The following TUSC3 variants were observed in gnomAD, a reference collection of about 807,000 sequenced individuals.
TUSC3 encodes dolichyl-diphosphooligosaccharide--protein glycosyltransferase subunit TUSC3.
Under a neutral mutation model 44.8 loss-of-function variants are expected in TUSC3, and 45 were observed. That is an observed-to-expected ratio of 1.00 (90% confidence interval 0.79 to 1.29). The LOEUF is 1.29. Ranked by LOEUF, TUSC3 falls within the 50% of genes most tolerant of loss-of-function variation. The pLI, the probability that TUSC3 is intolerant of heterozygous loss-of-function variation, is 0.00. For synonymous variants in TUSC3, 212 were observed against 152.9 expected (o/e 1.39, Z -2.85); for missense variants, 519 against 437.9 (o/e 1.19, Z -1.65).
chr8:15,700,111 G>T (rs1465756658), intron 6 of TUSC3, among the ~76,000 whole-genome samples: 4 of 152,150 alleles, frequency 2.6e-5, no homozygotes, highest in Non-Finnish European at 5.9e-5. Context: ...GAAGGCATCA[G>T]CTTAGGGTAT....
At position 15,752,146 on chromosome 8, in the gene TUSC3, G is replaced by A. The variant is rs911410250; in HGVS notation, c.1028+3681G>A. ...TTACAGGTGAGAAAGATCACTGTGG[G>A]TCTGAGAAAGGAAGACTCCAGAAGA... On this transcript the variant is annotated intron_variant, in intron 9 of 10. Coordinates refer to ENST00000503731, the MANE Select transcript of TUSC3 (RefSeq NM_006765.4). Among the ~76,000 whole-genome samples the A allele has an allele frequency of 2.0e-5, 3 of 152,212 alleles. No individual in the cohort carries two copies. In the East Asian group the frequency reaches 5.8e-4, roughly 29 times the overall value.
chr8:15,494,766 G>C (rs981317764), intron 2 of TUSC3, among the ~76,000 whole-genome samples: 26 of 152,146 alleles, frequency 1.7e-4, no homozygotes, highest in Non-Finnish European at 2.6e-4. Flanking sequence ...TATGACAAAG[G>C]GTGAAATAGA....
chr8:15,780,009 T>A, the TUSC3 span, among the ~76,000 whole-genome samples: 1 of 152,350 alleles, frequency 6.6e-6, no homozygotes, highest in African/African-American at 2.4e-5. Flanking sequence ...ATTTGAATTC[T>A]GTTTTCTTCA....
At chr8:15,660,309 A>C (rs867760365) in intron 4 of TUSC3, among the ~76,000 whole-genome samples, 1 of 152,228 alleles carries the variant, frequency 6.6e-6, no homozygotes, top group Middle Eastern at 3.4e-3. Flanking sequence ...TTTTACCTAG[A>C]ATGAAGCTCA....
chr8:15,597,120 T>C (rs1804106459), intron 1 of TUSC3, among the ~76,000 whole-genome samples: 1 of 152,018 alleles, frequency 6.6e-6, no homozygotes, highest in Non-Finnish European at 1.5e-5. Flanking sequence ...AAATAGAATA[T>C]GGAGATGAGG....
chr8:15,664,751 G>C (rs1807581525), intron 5 of TUSC3, among the ~76,000 whole-genome samples: 1 of 148,742 alleles, frequency 6.7e-6, no homozygotes, highest in Non-Finnish European at 1.5e-5. Flanking sequence ...GATGGCCTTT[G>C]GCAACTCCTT....
intron 1 of TUSC3, among the ~76,000 whole-genome samples, chr8:15,573,966 A>G (rs2898420): frequency 0.56 from 85,649 of 151,870 alleles, 24,574 homozygotes; most frequent in East Asian, 0.65. Flanking sequence ...AGCTGACTAA[A>G]CCAGTCCTTT....
intron 1 of TUSC3, among the ~76,000 whole-genome samples, chr8:15,468,742 A>G (rs547966646): frequency 6.6e-6 from 1 of 152,274 alleles, no homozygotes; most frequent in South Asian, 2.1e-4. Context: ...AGATATGAAA[A>G]CATTCTTTAT....
rs189961880 is a variant in TUSC3 at position 15,748,527 on chromosome 8, G to A, written c.1028+62G>A. The A allele has an allele frequency of 2.9e-6, 4 of 1,363,304 alleles. No individual in the cohort carries two copies. In the East Asian group the frequency reaches 9.2e-5, roughly 31 times the overall value. 84.5% of individuals were successfully genotyped at this position (1,363,304 alleles called of 1,614,324 possible). ...TAACTAATAGAACAGAGTTTCAGTG[G>A]TTAATATATAATTAAGGATGAATGT... On this transcript the variant is annotated intron_variant, in intron 9 of 10. Coordinates refer to ENST00000503731, the MANE Select transcript of TUSC3 (RefSeq NM_006765.4).
intron 1 of TUSC3, among the ~76,000 whole-genome samples, chr8:15,548,450 C>A (rs7821056): frequency 0.5 from 75,073 of 151,422 alleles, 19,901 homozygotes; most frequent in African/African-American, 0.63. Context: ...CACACAAGGA[C>A]GGGAAATTTT....
At chr8:15,706,006 C>A (rs1809601316) in intron 6 of TUSC3, among the ~76,000 whole-genome samples, 1 of 151,922 alleles carries the variant, frequency 6.6e-6, no homozygotes, top group Admixed American at 6.6e-5. Context: ...TAAAGATACT[C>A]ATATTATACA....
the TUSC3 span, among the ~76,000 whole-genome samples, chr8:15,844,577 C>G: frequency 6.6e-6 from 1 of 152,062 alleles, no homozygotes; most frequent in Non-Finnish European, 1.5e-5. Context: ...TTTTTTCCTG[C>G]CATTGGTGTT....
At chr8:15,531,254 C>G (rs558563195) in intron 2 of TUSC3, among the ~76,000 whole-genome samples, 1 of 152,278 alleles carries the variant, frequency 6.6e-6, no homozygotes, top group East Asian at 1.9e-4. Context: ...CATTCCTGCT[C>G]TAAAGCTATT....
chr8:15,636,818 T>C (rs1806100424), intron 2 of TUSC3, among the ~76,000 whole-genome samples: 1 of 152,218 alleles, frequency 6.6e-6, no homozygotes, highest in African/African-American at 2.4e-5. Flanking sequence ...GCCTCCTTTT[T>C]GGGGTCAAGT....
chr8:15,721,353 GC>G (rs1431601845), intron 6 of TUSC3, among the ~76,000 whole-genome samples: 4 of 151,896 alleles, frequency 2.6e-5, no homozygotes, highest in Non-Finnish European at 5.9e-5. Context: ...TAAATTTTAA[GC>G]CATAAAAGTT....
chr8:15,708,642 G>C (rs1809714952), intron 6 of TUSC3, among the ~76,000 whole-genome samples: 1 of 151,886 alleles, frequency 6.6e-6, no homozygotes, highest in Non-Finnish European at 1.5e-5. Flanking sequence ...GGAGAAGAAA[G>C]ATAAAACATT....
chr8:15,520,233 A>C (rs2129129268), intron 2 of TUSC3, among the ~76,000 whole-genome samples: 1 of 152,358 alleles, frequency 6.6e-6, no homozygotes, highest in African/African-American at 2.4e-5. Context: ...GGTCTCTGTC[A>C]ATAGGGATTC....
chr8:15,467,485 A>G (rs1800429125), intron 1 of TUSC3, among the ~76,000 whole-genome samples: 1 of 152,134 alleles, frequency 6.6e-6, no homozygotes, highest in African/African-American at 2.4e-5. Flanking sequence ...GACACTTCTA[A>G]TTTCTAAGCC....
intron 1 of TUSC3, among the ~76,000 whole-genome samples, chr8:15,572,805 G>T (rs1043968819): frequency 1.3e-5 from 2 of 152,114 alleles, no homozygotes; most frequent in African/African-American, 4.8e-5. Context: ...GGAATGGGTG[G>T]TTGGTGGAGC....
Sources: allele counts gnomAD v4.1 joint callset (sites outside exome capture counted in the v4.1 genomes callset), GRCh38; gene constraint gnomAD v4.1.1; transcripts MANE v1.5; gene names NCBI Gene and HGNC (gene_info 2026-07-23, HGNC 2026-07-21).